Variants in PAFAH1B1 observed in about 807,000 individuals in gnomAD.
PAFAH1B1 encodes platelet-activating factor acetylhydrolase IB subunit beta.
PAFAH1B1 carries 2 observed loss-of-function variants against 57.5 expected under a neutral mutation model. The ratio of observed to expected loss-of-function variants is 0.03; its 90% confidence interval spans 0.01 to 0.11. The LOEUF (loss-of-function observed/expected upper bound fraction) is 0.11, where lower values mean the gene tolerates loss of function less well. PAFAH1B1 is among the 10% of genes least tolerant of loss of function. PAFAH1B1 has a pLI of 1.00. For synonymous variants in PAFAH1B1, 152 were observed against 169.6 expected (o/e 0.90, Z 0.81); for missense variants, 257 against 512.0 (o/e 0.50, Z 4.81).
Position 2,612,360 on chromosome 17 carries a change from C to A in PAFAH1B1, c.-191+18354C>A, listed in dbSNP as rs528726196. On this transcript the variant is annotated intron_variant, in intron 1 of 10. Transcript: ENST00000397195. ...CTAGGACTACAGGCGCGCACCACCACGCCTGGCTAATTTTTTGTATTTTTT... is the reference window on the plus strand; with the variant it reads ...CTAGGACTACAGGCGCGCACCACCAAGCCTGGCTAATTTTTTGTATTTTTT... Among the ~76,000 whole-genome samples the A allele has an allele frequency of 5.3e-5, 8 of 151,982 alleles. No homozygotes were observed. In the South Asian group the frequency reaches 1.0e-3, roughly 20 times the overall value.
chr17:2,644,613 T>G (rs2068742823), intron 2 of PAFAH1B1, among the ~76,000 whole-genome samples: 1 of 152,218 alleles, frequency 6.6e-6, no homozygotes, highest in African/African-American at 2.4e-5. Context: ...CTTAATGTAT[T>G]CAACCAGTCT....
intron 1 of PAFAH1B1, 147 bp downstream of exon 1, chr17:2,594,153 C>CCTT (rs967267147): frequency 2.5e-6 from 1 of 394,898 alleles, no homozygotes; most frequent in South Asian, 1.4e-4. Flanking sequence ...GCCGCCTCCT[C>CCTT]CTTCTTCTTC....
chr17:2,654,112 C>A (rs116763175), intron 2 of PAFAH1B1, among the ~76,000 whole-genome samples: 1 of 151,010 alleles, frequency 6.6e-6, no homozygotes, highest in Non-Finnish European at 1.5e-5. Flanking sequence ...CGGCCAGTCA[C>A]TATACATTTA....
intron 2 of PAFAH1B1, among the ~76,000 whole-genome samples, chr17:2,663,717 A>G (rs1260641511): frequency 8.6e-6 from 1 of 115,932 alleles, no homozygotes; most frequent in African/African-American, 3.3e-5. Context: ...TTTTTTTTTG[A>G]GACAGAGTTT....
At chr17:2,604,249 G>A (rs1174696049) in intron 1 of PAFAH1B1, among the ~76,000 whole-genome samples, 1 of 150,256 alleles carries the variant, frequency 6.7e-6, no homozygotes, top group Non-Finnish European at 1.5e-5. Context: ...CATTGGCCAG[G>A]CTGGTCTCCA....
At chr17:2,613,401 T>C (rs559462358) in intron 1 of PAFAH1B1, 2 of 242,508 alleles carry the variant, frequency 8.2e-6, no homozygotes, top group Non-Finnish European at 1.7e-5. Context: ...GTGGCTGTCA[T>C]GGGGGACAAG....
At chr17:2,652,202 A>G (rs1233178854) in intron 2 of PAFAH1B1, among the ~76,000 whole-genome samples, 1 of 152,060 alleles carries the variant, frequency 6.6e-6, no homozygotes, top group African/African-American at 2.4e-5. Flanking sequence ...CGAGGTCAGG[A>G]GATCGAGACC....
chr17:2,600,876 G>A (rs2068135367), intron 1 of PAFAH1B1, among the ~76,000 whole-genome samples: 1 of 151,830 alleles, frequency 6.6e-6, no homozygotes, highest in Non-Finnish European at 1.5e-5. Flanking sequence ...GGAATTACAG[G>A]CATGTGCCAC....
intron 1 of PAFAH1B1, among the ~76,000 whole-genome samples, chr17:2,617,420 C>T (rs1374952900): frequency 6.6e-6 from 1 of 152,084 alleles, no homozygotes; most frequent in Non-Finnish European, 1.5e-5. Flanking sequence ...AATAGAAAAG[C>T]GAGGAGATGG....
chr17:2,663,233 GCA>G (rs1194741441), intron 2 of PAFAH1B1, among the ~76,000 whole-genome samples: 1 of 151,576 alleles, frequency 6.6e-6, no homozygotes, highest in Admixed American at 6.6e-5. Flanking sequence ...AGTGGAGATC[GCA>G]CCACTGCACT....
At chr17:2,654,228 C>T (rs563664356) in intron 2 of PAFAH1B1, among the ~76,000 whole-genome samples, 17 of 146,278 alleles carry the variant, frequency 1.2e-4, no homozygotes, top group Middle Eastern at 7.1e-3. Flanking sequence ...TTGCTCTTAT[C>T]GCCTAGGCTG....
intron 1 of PAFAH1B1, among the ~76,000 whole-genome samples, chr17:2,611,641 C>T (rs993930318): frequency 2.6e-5 from 4 of 151,968 alleles, no homozygotes; most frequent in Admixed American, 1.3e-4. Context: ...TGTTTTGAGT[C>T]GGAGTCTCGC....
intron 2 of PAFAH1B1, among the ~76,000 whole-genome samples, chr17:2,648,945 T>TGTA (rs2068811149): frequency 1.3e-5 from 2 of 152,100 alleles, no homozygotes; most frequent in Non-Finnish European, 2.9e-5. Flanking sequence ...TTCCAGCTCA[T>TGTA]GTAGTAAGGC....
rs182335691 is a variant in PAFAH1B1 at position 2,624,596 on chromosome 17, A to G, written c.-190-13503A>G. Among the ~76,000 whole-genome samples, 8 of 152,314 alleles carry G rather than the reference A, an allele frequency of 5.3e-5. 1 individual carries two copies. The highest frequency in any genetic ancestry group is 1.4e-4 in the African/African-American group (6 of 41,562). ...CCTGTCAGATCTTGTGAGACTTACT[A>G]TCGCAACAATAGCACAGGAAAGACT... On this transcript the variant is annotated intron_variant, in intron 1 of 10. Transcript: ENST00000397195.
chr17:2,602,259 AAAC>A (rs1433486609), intron 1 of PAFAH1B1, among the ~76,000 whole-genome samples: 2 of 152,014 alleles, frequency 1.3e-5, no homozygotes, highest in African/African-American at 4.8e-5. Flanking sequence ...CTGAAAAAAA[AAAC>A]AAAACAGCGA....
At chr17:2,623,978 C>T (rs563761858) in intron 1 of PAFAH1B1, among the ~76,000 whole-genome samples, 2 of 152,198 alleles carry the variant, frequency 1.3e-5, no homozygotes, top group Non-Finnish European at 2.9e-5. Flanking sequence ...TTTTCAAACA[C>T]CCAGGTCACC....
chr17:2,655,723 A>G (rs748216109), intron 2 of PAFAH1B1, among the ~76,000 whole-genome samples: 1 of 151,666 alleles, frequency 6.6e-6, no homozygotes, highest in African/African-American at 2.4e-5. Context: ...GTTCACACAC[A>G]TGTGTAAGAT....
intron 9 of PAFAH1B1, 101 bp downstream of exon 9, chr17:2,676,707 C>A: frequency 3.8e-6 from 3 of 790,088 alleles, no homozygotes; most frequent in Non-Finnish European, 4.5e-6. Flanking sequence ...TTATTCTGGG[C>A]TTTAAAATAA....
chr17:2,598,609 T>C (rs2068109231), intron 1 of PAFAH1B1, among the ~76,000 whole-genome samples: 2 of 152,146 alleles, frequency 1.3e-5, no homozygotes, highest in Non-Finnish European at 2.9e-5. Context: ...TTTTTTTTTT[T>C]TTTTACTTAG....
Sources: allele counts gnomAD v4.1 joint callset (sites outside exome capture counted in the v4.1 genomes callset), GRCh38; gene constraint gnomAD v4.1.1; transcripts MANE v1.5; gene names NCBI Gene and HGNC (gene_info 2026-07-23, HGNC 2026-07-21).